The following CSMD3 variants were observed in gnomAD, a reference collection of about 807,000 sequenced individuals.
CSMD3 encodes CUB and sushi domain-containing protein 3.
In CSMD3, 177 loss-of-function variants were observed where a neutral mutation model predicts 435.2. The ratio of observed to expected loss-of-function variants is 0.41; its 90% CI spans 0.36 to 0.46. The LOEUF is 0.46. Among genes scored for constraint, CSMD3 ranks in the 20% least tolerant of loss-of-function variants. The probability of loss-of-function intolerance (pLI) is 0.34; values close to 1 mark genes in which losing one functional copy is unlikely to be tolerated. For missense variants in CSMD3, 4,265 were observed against 4,504.6 expected (o/e 0.95, Z 1.52); for synonymous variants, 1,656 against 1,520.5 (o/e 1.09, Z -2.07).
At chr8:113,381,148 G>A (rs557125571) in intron 1 of CSMD3, among the ~76,000 whole-genome samples, 1 of 152,180 alleles carries the variant, frequency 6.6e-6, no homozygotes, top group South Asian at 2.1e-4. Flanking sequence ...TGACAAAACT[G>A]GTATGAATTT....
chr8:112,343,404 T>C (rs1047740729), intron 41 of CSMD3, among the ~76,000 whole-genome samples: 5 of 152,120 alleles, frequency 3.3e-5, no homozygotes, highest in Non-Finnish European at 7.4e-5. Context: ...TTTCCACATT[T>C]TAGCCAAAAT....
intron 6 of CSMD3, among the ~76,000 whole-genome samples, chr8:112,992,333 C>T (rs540061862): frequency 1.3e-5 from 2 of 151,378 alleles, no homozygotes; most frequent in African/African-American, 4.9e-5. Flanking sequence ...AAAATGATAA[C>T]ACGAAGGAAA....
At chr8:112,763,649 T>C (rs2077899920) in intron 13 of CSMD3, among the ~76,000 whole-genome samples, 1 of 149,396 alleles carries the variant, frequency 6.7e-6, no homozygotes, top group East Asian at 1.9e-4. Flanking sequence ...TATATTATTA[T>C]ATGTTAGTTA....
intron 10 of CSMD3, among the ~76,000 whole-genome samples, chr8:112,896,057 G>A (rs903391341): frequency 6.6e-6 from 1 of 151,396 alleles, no homozygotes; most frequent in African/African-American, 2.4e-5. Context: ...ATTGATTTCA[G>A]GCTAACTTTA....
chr8:113,374,980 CA>C (rs1475388434), intron 1 of CSMD3, among the ~76,000 whole-genome samples: 2 of 152,000 alleles, frequency 1.3e-5, no homozygotes, highest in Admixed American at 6.6e-5. Context: ...CAGCGTTCTA[CA>C]AGATGGCATA....
chr8:112,935,126 T>A (rs1010507665), intron 9 of CSMD3, among the ~76,000 whole-genome samples: 2 of 152,140 alleles, frequency 1.3e-5, no homozygotes, highest in Admixed American at 6.6e-5. Flanking sequence ...GAATATCCAA[T>A]TTTTCTGACA....
chr8:112,713,949 G>C (rs2131934136), intron 13 of CSMD3, among the ~76,000 whole-genome samples: 1 of 152,052 alleles, frequency 6.6e-6, no homozygotes, highest in Admixed American at 6.6e-5. Flanking sequence ...AGAAAAACCA[G>C]TACCAGACAC....
chr8:113,119,790 TG>T (rs1369471061), intron 4 of CSMD3, among the ~76,000 whole-genome samples: 2 of 152,044 alleles, frequency 1.3e-5, no homozygotes, highest in East Asian at 1.9e-4. Context: ...GGGTAAATAA[TG>T]GGAATGCAAA....
At chr8:112,269,305 G>A (rs1024393407) in intron 59 of CSMD3, among the ~76,000 whole-genome samples, 6 of 152,136 alleles carry the variant, frequency 3.9e-5, no homozygotes, top group Admixed American at 6.6e-5. Context: ...GGGGCATTTC[G>A]ATAGGTGGCT....
intron 31 of CSMD3, among the ~76,000 whole-genome samples, chr8:112,486,769 G>A (rs1820176740): frequency 6.6e-6 from 1 of 152,086 alleles, no homozygotes; most frequent in African/African-American, 2.4e-5. Context: ...GTATATCCAT[G>A]CTGTGCTCAC....
chr8:113,427,794 A>C (rs1447834655), intron 1 of CSMD3, among the ~76,000 whole-genome samples: 2 of 151,656 alleles, frequency 1.3e-5, no homozygotes, highest in Non-Finnish European at 3.0e-5. Context: ...CACTCTGAGA[A>C]CTTCCATATC....
chr8:112,299,586 C>T (rs1820709860), intron 53 of CSMD3, among the ~76,000 whole-genome samples: 1 of 152,028 alleles, frequency 6.6e-6, no homozygotes, highest in Non-Finnish European at 1.5e-5. Context: ...TGTTCACTGT[C>T]AATTCCTTTA....
intron 32 of CSMD3, among the ~76,000 whole-genome samples, chr8:112,409,914 T>C (rs1309128069): frequency 6.6e-6 from 1 of 151,952 alleles, no homozygotes; most frequent in Non-Finnish European, 1.5e-5. Context: ...AATTGTGGGG[T>C]TTAAAAGAGT....
chr8:112,979,261 C>T (rs1342527724), intron 6 of CSMD3, among the ~76,000 whole-genome samples: 1 of 151,670 alleles, frequency 6.6e-6, no homozygotes. Flanking sequence ...ATAAATGCAT[C>T]TAAACTTAGA....
At chr8:112,621,660 C>A (rs900739047) in intron 22 of CSMD3, among the ~76,000 whole-genome samples, 2 of 152,100 alleles carry the variant, frequency 1.3e-5, no homozygotes, top group African/African-American at 4.8e-5. Flanking sequence ...TCTAGGACAC[C>A]ATTTTTTTAC....
At chr8:112,273,648 C>T (rs1015079547) in intron 59 of CSMD3, among the ~76,000 whole-genome samples, 8 of 151,204 alleles carry the variant, frequency 5.3e-5, no homozygotes, top group Admixed American at 1.3e-4. Flanking sequence ...ATGGCGTGAA[C>T]CCGGTAGGTG....
intron 1 of CSMD3, among the ~76,000 whole-genome samples, chr8:113,430,403 TAGG>T (rs1388697844): frequency 6.6e-6 from 1 of 152,172 alleles, no homozygotes; most frequent in African/African-American, 2.4e-5. Flanking sequence ...AACTGAAGCT[TAGG>T]AAAGTTGAAT....
intron 3 of CSMD3, among the ~76,000 whole-genome samples, chr8:113,207,645 A>G (rs1427957640): frequency 6.6e-6 from 1 of 152,108 alleles, no homozygotes; most frequent in East Asian, 1.9e-4. Context: ...GGTCTCCCAA[A>G]GTGCTGGGAT....
At chr8:112,580,573 G>C (rs1255323848) in intron 23 of CSMD3, among the ~76,000 whole-genome samples, 1 of 151,734 alleles carries the variant, frequency 6.6e-6, no homozygotes, top group African/African-American at 2.4e-5. Flanking sequence ...GGTTGGTCAG[G>C]CAATTGATCC....
Sources: gnomAD v4.1 joint callset for allele counts (sites outside exome capture counted in the v4.1 genomes callset) on GRCh38, gnomAD v4.1.1 for gene constraint, MANE v1.5 for transcripts, NCBI Gene and HGNC (gene_info 2026-07-23, HGNC 2026-07-21) for gene names.